The following FRMD6 variants were observed in gnomAD, a reference collection of about 807,000 sequenced individuals.
The protein encoded by FRMD6 is FERM domain-containing protein 6.
A neutral mutation model predicts 73.2 loss-of-function variants in FRMD6; 37 were observed. The observed-to-expected ratio is 0.51, with a 90% confidence interval of 0.39 to 0.66. FRMD6 has a LOEUF of 0.66. Among genes scored for constraint, FRMD6 ranks in the 30% least tolerant of loss-of-function variants. FRMD6 has a pLI of 0.00. For missense variants in FRMD6, 714 were observed against 780.5 expected (o/e 0.91, Z 1.02); for synonymous variants, 273 against 282.2 (o/e 0.97, Z 0.33).
intron 1 of FRMD6, chr14:51,522,759 A>G (rs1200775470): frequency 6.6e-6 from 1 of 152,246 alleles, no homozygotes; most frequent in Non-Finnish European, 1.5e-5. Flanking sequence ...ACAGCAAATT[A>G]GATTTGGCCT....
intron 2 of FRMD6, among the ~76,000 whole-genome samples, chr14:51,600,723 C>A (rs775422298): frequency 7.2e-5 from 11 of 152,220 alleles, no homozygotes; most frequent in Non-Finnish European, 1.3e-4. Flanking sequence ...ACCCATTTAA[C>A]TTCGCCTGGC....
chr14:51,399,524 A>AT, the FRMD6 span, among the ~76,000 whole-genome samples: 6 of 152,216 alleles, frequency 3.9e-5, no homozygotes. Context: ...TTGTTTCCAA[A>AT]ATATAACTTT....
chr14:51,674,799 A>G (rs1464638744), intron 1 of FRMD6, among the ~76,000 whole-genome samples: 9 of 152,086 alleles, frequency 5.9e-5, no homozygotes, highest in South Asian at 2.1e-4. Flanking sequence ...GGTAATATGG[A>G]GGGGGACGCA....
chr14:51,523,668 A>G (rs1206438142), intron 1 of FRMD6, among the ~76,000 whole-genome samples: 3 of 152,156 alleles, frequency 2.0e-5, no homozygotes, highest in Non-Finnish European at 4.4e-5. Flanking sequence ...GGTCCTTCCC[A>G]CATTGTTTGC....
chr14:51,507,064 G>A (rs1016755717), intron 1 of FRMD6, among the ~76,000 whole-genome samples: 1 of 144,524 alleles, frequency 6.9e-6, no homozygotes, highest in Non-Finnish European at 1.5e-5. Flanking sequence ...TTTTTGAAAT[G>A]ATTAGAATTG....
chr14:51,412,032 G>A, the FRMD6 span, among the ~76,000 whole-genome samples: 5 of 152,076 alleles, frequency 3.3e-5, no homozygotes, highest in Non-Finnish European at 7.4e-5. Context: ...GTCTGTTAAA[G>A]TCTTCACTAT....
intron 1 of FRMD6, among the ~76,000 whole-genome samples, chr14:51,536,922 A>G (rs1035058702): frequency 6.6e-6 from 1 of 152,168 alleles, no homozygotes; most frequent in African/African-American, 2.4e-5. Flanking sequence ...AGGAAGGTAC[A>G]GAGATATCCT....
At chr14:51,663,333 A>G (rs1176418768) in intron 1 of FRMD6, among the ~76,000 whole-genome samples, 2 of 152,238 alleles carry the variant, frequency 1.3e-5, no homozygotes, top group East Asian at 3.8e-4. Flanking sequence ...TTGCTACACT[A>G]TTCACAATAG....
chr14:51,576,866 A>T (rs146713572), intron 2 of FRMD6, among the ~76,000 whole-genome samples: 2 of 152,196 alleles, frequency 1.3e-5, no homozygotes, highest in African/African-American at 4.8e-5. Context: ...TGGCCACATG[A>T]TGTTAGACAA....
chr14:51,510,075 C>G (rs956849149), intron 1 of FRMD6, among the ~76,000 whole-genome samples: 1 of 152,216 alleles, frequency 6.6e-6, no homozygotes, highest in Admixed American at 6.5e-5. Context: ...TGTCTAAATT[C>G]AGAAAAGTTG....
the FRMD6 span, among the ~76,000 whole-genome samples, chr14:51,409,864 C>T: frequency 1.3e-5 from 2 of 152,178 alleles, no homozygotes; most frequent in African/African-American, 4.8e-5. Flanking sequence ...GCTGGGATTA[C>T]AGGTGTGAGC....
At chr14:51,707,927 C>T in intron 6 of FRMD6, 151 bp from the exon 7 acceptor site, 1 of 653,724 alleles carries the variant, frequency 1.5e-6, no homozygotes, top group South Asian at 2.0e-5. Context: ...AGTAACATAA[C>T]AGATGGTGAA....
chr14:51,632,738 C>T (rs1891386887), intron 2 of FRMD6, among the ~76,000 whole-genome samples: 2 of 152,170 alleles, frequency 1.3e-5, no homozygotes, highest in East Asian at 3.9e-4. Context: ...CTTTCTACAT[C>T]TGAATTGTCT....
the FRMD6 span, among the ~76,000 whole-genome samples, chr14:51,415,089 A>G: frequency 1.3e-5 from 2 of 152,192 alleles, no homozygotes; most frequent in Non-Finnish European, 2.9e-5. Flanking sequence ...CAATCATGTC[A>G]TCTGCAAACA....
intron 1 of FRMD6, among the ~76,000 whole-genome samples, chr14:51,533,523 A>G (rs555188773): frequency 1.3e-5 from 2 of 152,174 alleles, no homozygotes; most frequent in South Asian, 2.1e-4. Context: ...TCCATTTTAT[A>G]TAATTCCTGA....
chr14:51,587,540 G>A (rs968798189), intron 2 of FRMD6, among the ~76,000 whole-genome samples: 1 of 152,196 alleles, frequency 6.6e-6, no homozygotes, highest in Non-Finnish European at 1.5e-5. Flanking sequence ...TCCCGTGGGG[G>A]TGTGGTTGAG....
the FRMD6 span, among the ~76,000 whole-genome samples, chr14:51,401,990 G>A: frequency 6.6e-6 from 1 of 152,210 alleles, no homozygotes; most frequent in Non-Finnish European, 1.5e-5. Context: ...CAGAGCCAAG[G>A]AACTGGGCCA....
At chr14:51,609,609 CAGAG>C (rs1164269465) in intron 2 of FRMD6, among the ~76,000 whole-genome samples, 1 of 152,152 alleles carries the variant, frequency 6.6e-6, no homozygotes, top group East Asian at 1.9e-4. Flanking sequence ...TGCGTTCAAT[CAGAG>C]AGAGATTAAA....
In FRMD6 at chr14:51,667,969, A is replaced by G. The variant is rs151322059; in HGVS notation, c.-147+15973A>G. ...ATGTAAAGAGAAATTTTCATGAAATATAAGTTGTAGAGTAAAACCTAGCAG... is the reference window on the plus strand; with the variant it reads ...ATGTAAAGAGAAATTTTCATGAAATGTAAGTTGTAGAGTAAAACCTAGCAG... On this transcript the variant is annotated intron_variant, in intron 1 of 13. Transcript: ENST00000344768. Among the ~76,000 whole-genome samples, 21 of 152,338 alleles carry G rather than the reference A, an allele frequency of 1.4e-4. No individual in the cohort carries two copies. In the East Asian group the frequency reaches 3.7e-3, roughly 27 times the overall value.
Sources: gnomAD v4.1 joint callset for allele counts (sites outside exome capture counted in the v4.1 genomes callset) on GRCh38, gnomAD v4.1.1 for gene constraint, MANE v1.5 for transcripts, NCBI Gene and HGNC (gene_info 2026-07-23, HGNC 2026-07-21) for gene names.